The following FBXO10 variants were observed in gnomAD, a reference collection of about 807,000 sequenced individuals.
FBXO10 encodes the protein F-box only protein 10.
Under a neutral mutation model 80.7 loss-of-function variants are expected in FBXO10, and 39 were observed. That is an observed-to-expected ratio of 0.48 (90% confidence interval 0.37 to 0.63). FBXO10 has a LOEUF of 0.63. Among genes scored for constraint, FBXO10 ranks in the 30% least tolerant of loss-of-function variants. The probability of loss-of-function intolerance (pLI) is 0.00; values close to 1 mark genes in which losing one functional copy is unlikely to be tolerated. For missense variants in FBXO10, 1,025 were observed against 1,269.0 expected, an observed-to-expected ratio of 0.81 and a Z score of 2.92; for synonymous variants, 449 against 489.6, an observed-to-expected ratio of 0.92 and a Z score of 1.09.
intron 1 of FBXO10, among the ~76,000 whole-genome samples, chr9:37,544,991 CAAAAAAAAAAAAA>C (rs59952580): frequency 1.4e-5 from 1 of 69,464 alleles, no homozygotes; most frequent in Non-Finnish European, 2.6e-5. Flanking sequence ...GAGACTCTCT[CAAAAAAAAAAAAA>C]AAAAAAAAGA....
Position 37,512,534 on chromosome 9 carries a change from C to G in FBXO10, c.*13G>C. Reference sequence around the variant, plus strand: ...CACCCATCCAGGCTTGGCCCTGAAGCAGGTCTGTGTCCTCACAGGATGGTG... The same window carrying G: ...CACCCATCCAGGCTTGGCCCTGAAGGAGGTCTGTGTCCTCACAGGATGGTG... On this transcript the variant is annotated 3_prime_UTR_variant, in exon 11 of 11. Coordinates refer to ENST00000432825, the MANE Select transcript of FBXO10 (RefSeq NM_012166.3). 3.7e-6 allele frequency: 6 copies of G among 1,607,616 alleles called. No individual in the cohort carries two copies. Among genetic ancestry groups the G allele is most frequent in the Non-Finnish European group, 5.1e-6 (6 of 1,175,196 alleles).
At chr9:37,568,255 T>C (rs1468137854) in intron 1 of FBXO10, among the ~76,000 whole-genome samples, 1 of 152,168 alleles carries the variant, frequency 6.6e-6, no homozygotes, top group Non-Finnish European at 1.5e-5. Flanking sequence ...TGGAGTACAA[T>C]GGCGCGATCT....
intron 1 of FBXO10, among the ~76,000 whole-genome samples, chr9:37,547,673 C>T (rs2090230447): frequency 6.6e-6 from 1 of 152,074 alleles, no homozygotes; most frequent in South Asian, 2.1e-4. Context: ...CAAAACAGTG[C>T]TTAGGCCAGG....
At chr9:37,565,849 AGAG>A (rs1563890930) in intron 1 of FBXO10, among the ~76,000 whole-genome samples, 4 of 152,188 alleles carry the variant, frequency 2.6e-5, no homozygotes, top group Non-Finnish European at 4.4e-5. Flanking sequence ...TGGGACATTC[AGAG>A]GAGGAAGAAA....
chr9:37,544,213 G>A (rs1821995234), intron 1 of FBXO10, among the ~76,000 whole-genome samples: 1 of 152,204 alleles, frequency 6.6e-6, no homozygotes, highest in Non-Finnish European at 1.5e-5. Flanking sequence ...AGGTTGCAGT[G>A]AGCCGAGATC....
In FBXO10 at chr9:37,512,459, G is replaced by A; in HGVS notation, c.*88C>T. The A allele has an allele frequency of 6.9e-7, 1 of 1,452,292 alleles. No individual in the cohort carries two copies. Among genetic ancestry groups the A allele is most frequent in the Non-Finnish European group, 9.4e-7 (1 of 1,068,154 alleles). The allele number at this position is 1,452,292 out of a possible 1,614,324, so 90.0% of individuals were successfully genotyped here. A position where few individuals can be genotyped will look rare whatever the true frequency, so the allele number is the denominator to read the frequency against. Reference sequence around the variant, plus strand: ...GGGACCCATTTGTTCGAGGGGGAGGGGGAGGGGCGGAGTCTTTTCAGGCAG... The same window carrying A: ...GGGACCCATTTGTTCGAGGGGGAGGAGGAGGGGCGGAGTCTTTTCAGGCAG... On this transcript the variant is annotated 3_prime_UTR_variant, in exon 11 of 11. Transcript: ENST00000432825.
At chr9:37,538,300 G>A (rs1821825665) in intron 2 of FBXO10, among the ~76,000 whole-genome samples, 1 of 152,198 alleles carries the variant, frequency 6.6e-6, no homozygotes, top group South Asian at 2.1e-4. Context: ...GCATGTGCTG[G>A]CAAAGAGTTC....
chr9:37,568,633 C>T (rs1345303535), intron 1 of FBXO10, among the ~76,000 whole-genome samples: 1 of 152,184 alleles, frequency 6.6e-6, no homozygotes, highest in Non-Finnish European at 1.5e-5. Flanking sequence ...ATTTACATCT[C>T]CTCTACCCTA....
Position 37,537,979 on chromosome 9 carries a change from G to A in FBXO10, c.586-36C>T, listed in dbSNP as rs370241476. ...AAAAGAAGAAAACGGCTGTAAGAGG[G>A]ATGAGATTGGTTTTGGACTCTAGCT... On this transcript the variant is annotated intron_variant, in intron 2 of 10. Coordinates refer to ENST00000432825, the MANE Select transcript of FBXO10 (RefSeq NM_012166.3). The A allele has an allele frequency of 5.9e-5, 93 of 1,563,810 alleles. No individual in the cohort carries two copies. In the African/African-American group the frequency reaches 1.2e-3, roughly 21 times the overall value.
Position 37,537,893 on chromosome 9 carries a change from G to A in FBXO10, c.636C>T (p.His212=), listed in dbSNP as rs760496755. 2 of 1,614,004 alleles carry A rather than the reference G, an allele frequency of 1.2e-6. No individual in the cohort carries two copies. Among genetic ancestry groups the A allele is most frequent in the East Asian group, 2.2e-5 (1 of 44,880 alleles). The change falls in exon 3 of 11, where the codon CAC becomes CAT. Residue 212 remains histidine (H), a synonymous_variant. Coordinates refer to ENST00000432825, the MANE Select transcript of FBXO10 (RefSeq NM_012166.3). ...QFDNCNFENG[H]IQVHGPGTCQ... ...AAGTACCCGGGCCATGGACCTGGAT[G>A]TGCCCGTTCTCAAAGTTGCAGTTGT... is the stretch of plus-strand genomic sequence containing the variant.
intron 1 of FBXO10, among the ~76,000 whole-genome samples, chr9:37,567,125 A>G (rs1332001077): frequency 1.3e-5 from 2 of 148,352 alleles, no homozygotes; most frequent in Admixed American, 6.7e-5. Flanking sequence ...TGCTTTTTAC[A>G]TGTCTTTTTT....
chr9:37,572,837 A>T (rs1822793700), intron 1 of FBXO10, among the ~76,000 whole-genome samples: 1 of 152,212 alleles, frequency 6.6e-6, no homozygotes, highest in Non-Finnish European at 1.5e-5. Flanking sequence ...TGTATTTCAT[A>T]TTCAAAAAGT....
intron 2 of FBXO10, 29 bp downstream of exon 2, chr9:37,541,155 A>C: frequency 6.5e-7 from 1 of 1,544,878 alleles, no homozygotes; most frequent in Non-Finnish European, 8.7e-7. Context: ...TCAGAACTAG[A>C]AAGGCCGTCT....
chr9:37,530,469 C>T (rs1456813675), intron 4 of FBXO10, among the ~76,000 whole-genome samples: 2 of 152,246 alleles, frequency 1.3e-5, no homozygotes, highest in South Asian at 2.1e-4. Context: ...CCTGCTATCC[C>T]TCTGTCCTCA....
In FBXO10 at chr9:37,513,834, C is replaced by T. The variant is rs140068641; in HGVS notation, c.2697-1113G>A. Among the ~76,000 whole-genome samples, 985 of 152,302 alleles carry T rather than the reference C, an allele frequency of 6.5e-3. 11 individuals are homozygous for T. Among genetic ancestry groups the T allele is most frequent in the Middle Eastern group, 0.02 (6 of 294 alleles). ...CGAAATCCCGACCTCAGGTGATCCA[C>T]CCACCTCGGCCTCCCAAAGTGCTGG... On this transcript the variant is annotated intron_variant, in intron 10 of 10. Coordinates refer to ENST00000432825, the MANE Select transcript of FBXO10 (RefSeq NM_012166.3).
chr9:37,518,586 G>A (rs981656162), intron 8 of FBXO10, 148 bp from the exon 9 acceptor site: 1 of 669,408 alleles, frequency 1.5e-6, no homozygotes, highest in Non-Finnish European at 2.4e-6. Flanking sequence ...CCTTGAGTTT[G>A]CGTCTTCCAA....
In FBXO10 at chr9:37,555,996, A is replaced by G. The variant is rs144557380; in HGVS notation, c.-6-14222T>C. ...ACTGTTCTATGATCCATCATGAATT[A>G]ATTTTTGTTATGGTATGAGGTAGTG... is the stretch of plus-strand genomic sequence containing the variant. On this transcript the variant is annotated intron_variant, in intron 1 of 10. Transcript: ENST00000432825. Among the ~76,000 whole-genome samples, 350 of 152,274 alleles carry G rather than the reference A, an allele frequency of 2.3e-3. 2 individuals carry two copies. The highest frequency in any genetic ancestry group is 8.2e-3 in the African/African-American group (340 of 41,568).
chr9:37,511,799 C>G lies in FBXO10; in HGVS notation c.*748G>C, dbSNP rs906112814. The G allele has an allele frequency of 2.6e-5, 4 of 152,432 alleles. No individual in the cohort carries two copies. The highest frequency in any genetic ancestry group is 4.4e-5 in the Non-Finnish European group (3 of 68,280). The allele number at this position is 152,432 out of a possible 1,614,324, so 9.4% of individuals were successfully genotyped here. On this transcript the variant is annotated 3_prime_UTR_variant, in exon 11 of 11. Transcript: ENST00000432825. ...ACAGGCTGATGCTCAGGAGGGGCGGCTGGTGTGGGCACGCTCACATGGGGT... is the reference window on the plus strand; with the variant it reads ...ACAGGCTGATGCTCAGGAGGGGCGGGTGGTGTGGGCACGCTCACATGGGGT...
intron 1 of FBXO10, among the ~76,000 whole-genome samples, chr9:37,552,845 T>A (rs1822236663): frequency 6.6e-6 from 1 of 152,128 alleles, no homozygotes; most frequent in African/African-American, 2.4e-5. Context: ...AAAATATGTG[T>A]CTGCACACTG....
Sources: gnomAD v4.1 joint callset for allele counts (sites outside exome capture counted in the v4.1 genomes callset) on GRCh38, gnomAD v4.1.1 for gene constraint, MANE v1.5 for transcripts, NCBI Gene and HGNC (gene_info 2026-07-23, HGNC 2026-07-21) for gene names.